Variants in SREK1IP1 observed in about 807,000 individuals in gnomAD.
The protein encoded by SREK1IP1 is SREK1 interacting protein 1.
Under a neutral mutation model 22.8 loss-of-function variants are expected in SREK1IP1, and 12 were observed. The ratio of observed to expected loss-of-function variants is 0.53; its 90% confidence interval spans 0.34 to 0.85. The LOEUF (loss-of-function observed/expected upper bound fraction) is 0.85, where lower values mean the gene tolerates loss of function less well. SREK1IP1 is among the 40% of genes least tolerant of loss of function. The pLI is 0.02. For synonymous variants in SREK1IP1, 53 were observed against 52.7 expected (o/e 1.01, Z -0.02); for missense variants, 147 against 171.8 (o/e 0.86, Z 0.81).
intron 1 of SREK1IP1, among the ~76,000 whole-genome samples, chr5:64,758,088 GGATGGTC>G (rs1742879746): frequency 6.6e-6 from 1 of 151,232 alleles, no homozygotes; most frequent in Middle Eastern, 3.3e-3. Context: ...ATGTTAGCCA[GGATGGTC>G]TCGATCTCCT....
intron 2 of SREK1IP1, among the ~76,000 whole-genome samples, chr5:64,752,609 T>C (rs1468639387): frequency 6.6e-6 from 1 of 152,228 alleles, no homozygotes; most frequent in Non-Finnish European, 1.5e-5. Context: ...CTATCAAGTA[T>C]TGAAATTCTT....
At chr5:64,767,694 T>C (rs1195625909) in intron 1 of SREK1IP1, among the ~76,000 whole-genome samples, 1 of 152,192 alleles carries the variant, frequency 6.6e-6, no homozygotes, top group Non-Finnish European at 1.5e-5. Context: ...TCTATTCTAA[T>C]AGAATAGAAT....
At chr5:64,766,362 C>T (rs1310802384) in intron 1 of SREK1IP1, among the ~76,000 whole-genome samples, 1 of 152,010 alleles carries the variant, frequency 6.6e-6, no homozygotes, top group East Asian at 1.9e-4. Flanking sequence ...CCCAGGTAAA[C>T]CTCATTTCCT....
intron 2 of SREK1IP1, among the ~76,000 whole-genome samples, chr5:64,749,545 T>G (rs977321513): frequency 6.6e-6 from 1 of 151,724 alleles, no homozygotes; most frequent in African/African-American, 2.4e-5. Flanking sequence ...CAAGCCAACC[T>G]CCTACCTTAG....
intron 3 of SREK1IP1, among the ~76,000 whole-genome samples, chr5:64,736,915 CTTTTT>C (rs563372606): frequency 8.1e-4 from 106 of 131,306 alleles, no homozygotes; most frequent in African/African-American, 2.8e-3. Context: ...TGTCTCTCTT[CTTTTT>C]TTTTTTTTTT....
chr5:64,755,610 C>T (rs1466651292), intron 1 of SREK1IP1, among the ~76,000 whole-genome samples: 1 of 151,954 alleles, frequency 6.6e-6, no homozygotes, highest in African/African-American at 2.4e-5. Context: ...TGCTCAGTAC[C>T]TTAGTGATGG....
intron 1 of SREK1IP1, among the ~76,000 whole-genome samples, chr5:64,757,007 TA>T (rs1340231639): frequency 6.6e-6 from 1 of 152,172 alleles, no homozygotes; most frequent in Non-Finnish European, 1.5e-5. Context: ...AGTCCAAACA[TA>T]AAACAGTGCT....
At chr5:64,758,894 G>C (rs1182057081) in intron 1 of SREK1IP1, among the ~76,000 whole-genome samples, 2 of 152,172 alleles carry the variant, frequency 1.3e-5, no homozygotes, top group Non-Finnish European at 2.9e-5. Context: ...ACATCAGCTA[G>C]TTCCTCACCA....
At chr5:64,735,666 TATC>T (rs758411837) in intron 3 of SREK1IP1, among the ~76,000 whole-genome samples, 6 of 152,168 alleles carry the variant, frequency 3.9e-5, no homozygotes, top group Non-Finnish European at 5.9e-5. Flanking sequence ...TTTAAAACTT[TATC>T]TTCTCCCTTT....
intron 3 of SREK1IP1, among the ~76,000 whole-genome samples, chr5:64,737,604 G>C (rs1411791663): frequency 7.3e-6 from 1 of 137,394 alleles, no homozygotes; most frequent in Non-Finnish European, 1.6e-5. Context: ...AAATGAAATA[G>C]AGACTAGAAA....
At chr5:64,737,578 A>G (rs1376353938) in intron 3 of SREK1IP1, among the ~76,000 whole-genome samples, 2 of 148,120 alleles carry the variant, frequency 1.4e-5, no homozygotes, top group African/African-American at 4.9e-5. Flanking sequence ...AAGAAACTAG[A>G]AAAAAAAAAC....
chr5:64,746,389 T>C (rs977966132), intron 2 of SREK1IP1, among the ~76,000 whole-genome samples: 2 of 152,194 alleles, frequency 1.3e-5, no homozygotes, highest in South Asian at 2.1e-4. Context: ...TAAAAACTTT[T>C]GTGCAAAATT....
chr5:64,768,597 A>G lies in SREK1IP1; in HGVS notation c.-80T>C. 5 of 1,607,084 alleles carry G rather than the reference A, an allele frequency of 3.1e-6. No individual in the cohort carries two copies. The highest frequency in any genetic ancestry group is 4.3e-6 in the Non-Finnish European group (5 of 1,174,930). ...CCCGCCAGCTGTGAGAACAAGGCAC[A>G]GTCAAAGCGGCGTTTTCCTTCCCCC... On this transcript the variant is annotated 5_prime_UTR_variant, in exon 1 of 5. Transcript: ENST00000513458.
At chr5:64,740,930 C>G in intron 3 of SREK1IP1, 127 bp downstream of exon 3, 1 of 829,486 alleles carries the variant, frequency 1.2e-6, no homozygotes, top group Non-Finnish European at 1.8e-6. Context: ...TATTTAAAAC[C>G]TATTTCCTAT....
chr5:64,749,906 G>A (rs143717484), intron 2 of SREK1IP1, among the ~76,000 whole-genome samples: 1,596 of 152,138 alleles, frequency 0.01, 22 homozygotes, highest in Non-Finnish European at 0.013. Context: ...GCTCTTCCTT[G>A]AGGGCATTTC....
intron 1 of SREK1IP1, among the ~76,000 whole-genome samples, chr5:64,766,279 C>A (rs1272649153): frequency 6.6e-6 from 1 of 152,194 alleles, no homozygotes; most frequent in Non-Finnish European, 1.5e-5. Context: ...TCATCATCAT[C>A]CCCTTAACCC....
intron 2 of SREK1IP1, among the ~76,000 whole-genome samples, chr5:64,741,701 A>G (rs1742553692): frequency 6.6e-6 from 1 of 152,170 alleles, no homozygotes; most frequent in South Asian, 2.1e-4. Flanking sequence ...AAGAATACCT[A>G]AACATTTAAT....
intron 2 of SREK1IP1, among the ~76,000 whole-genome samples, chr5:64,743,039 C>G (rs1236989555): frequency 6.6e-6 from 1 of 152,080 alleles, no homozygotes; most frequent in Non-Finnish European, 1.5e-5. Flanking sequence ...AGAATGGGAT[C>G]TGTATGATAT....
chr5:64,749,375 C>T (rs1742702743), intron 2 of SREK1IP1, among the ~76,000 whole-genome samples: 1 of 151,980 alleles, frequency 6.6e-6, no homozygotes, highest in Admixed American at 6.6e-5. Context: ...ACATCCCTAA[C>T]ATTTTGGTTC....
Sources: allele counts gnomAD v4.1 joint callset (sites outside exome capture counted in the v4.1 genomes callset), GRCh38; gene constraint gnomAD v4.1.1; transcripts MANE v1.5; gene names NCBI Gene and HGNC (gene_info 2026-07-23, HGNC 2026-07-21).